The following AMZ1 variants were observed in gnomAD, a reference collection of about 807,000 sequenced individuals.
AMZ1 encodes archaemetzincin-1.
Under a neutral mutation model 29.9 loss-of-function variants are expected in AMZ1, and 39 were observed. That is an observed-to-expected ratio of 1.30 (90% CI 1.01 to 1.70). The LOEUF (loss-of-function observed/expected upper bound fraction) is 1.70. Ranked by LOEUF, AMZ1 falls within the 40% of genes most tolerant of loss-of-function variation. AMZ1 has a pLI of 0.00. For missense variants in AMZ1, 1,041 were observed against 680.6 expected (o/e 1.53, Z -5.89); for synonymous variants, 458 against 304.0 (o/e 1.51, Z -5.27).
At chr7:2,710,316 T>G (rs914554180) in intron 6 of AMZ1, among the ~76,000 whole-genome samples, 2 of 152,234 alleles carry the variant, frequency 1.3e-5, no homozygotes, top group Admixed American at 6.5e-5. Context: ...CTCGTCCGTA[T>G]TCATGGACAT....
rs760828167 is a variant in AMZ1, at chr7:2,731,723, G to A, written n.550+21907G>A. ...CCCTTGGTGGCTTTCCTAGCCAGCA[G>A]GATATCTTGCTTACTAGGAAAGTAA... is the stretch of plus-strand genomic sequence containing the variant. On this transcript the variant is annotated intron_variant and non_coding_transcript_variant, in intron 4 of 4. Coordinates refer to the AMZ1 transcript ENST00000489665. This position sits in a 1 kb window ranked among gnomAD's most constrained non-coding sequence, Gnocchi z 6.0. 12 of 1,555,620 alleles carry A rather than the reference G, an allele frequency of 7.7e-6. No individual in the cohort carries two copies. The highest frequency in any genetic ancestry group is 1.0e-5 in the Non-Finnish European group (12 of 1,145,532).
upstream of AMZ1, among the ~76,000 whole-genome samples, chr7:2,685,855 G>GAAAA (rs10710624): frequency 1.6e-4 from 14 of 86,732 alleles, no homozygotes; most frequent in Admixed American, 2.6e-4. Flanking sequence ...TCCGTCTCAA[G>GAAAA]AAAAAAAAAA....
intron 4 of AMZ1, among the ~76,000 whole-genome samples, chr7:2,740,134 C>T (rs1790424917): frequency 6.6e-6 from 1 of 152,126 alleles, no homozygotes; most frequent in African/African-American, 2.4e-5. Context: ...GGTGGCCATC[C>T]TACTAGCTGT....
rs898755831 is a variant in AMZ1 at position 2,713,010 on chromosome 7, C to T, written c.*132C>T. 5 of 1,041,270 alleles carry T rather than the reference C, an allele frequency of 4.8e-6. No homozygotes were observed. In the Admixed American group the frequency reaches 1.9e-4, roughly 39 times the overall value. 64.5% of individuals were successfully genotyped at this position (1,041,270 alleles called of 1,614,324 possible). On this transcript the variant is annotated 3_prime_UTR_variant, in exon 7 of 7. Coordinates refer to ENST00000683327, the MANE Select transcript of AMZ1 (RefSeq NM_001384743.1). ...TGGGTGGTGGCTCAGGCCTGTCATC[C>T]CATCACTTTGAGAGGCCAGGAGTTT...
At chr7:2,686,872 G>C (rs1249542929), upstream of AMZ1, among the ~76,000 whole-genome samples, 1 of 151,826 alleles carries the variant, frequency 6.6e-6, no homozygotes, top group Non-Finnish European at 1.5e-5. Flanking sequence ...CAGCCACCAC[G>C]CCCAGCTAAT....
At position 2,718,522 on chromosome 7, in the gene AMZ1, C is replaced by T. The variant is rs1052007206; in HGVS notation, c.*5644C>T. ...CCTGACTCTTGGACGCTGGTGGCAG[C>T]CGCGGGCGCCCACTCACCTGGCACG... On this transcript the variant is annotated 3_prime_UTR_variant, in exon 7 of 7. Coordinates refer to ENST00000683327, the MANE Select transcript of AMZ1 (RefSeq NM_001384743.1). Among the ~76,000 whole-genome samples the T allele has an allele frequency of 2.6e-5, 4 of 152,168 alleles. No individual in the cohort carries two copies. The highest frequency in any genetic ancestry group is 2.6e-4 in the Admixed American group (4 of 15,282).
intron 1 of AMZ1, among the ~76,000 whole-genome samples, chr7:2,691,131 C>CAAAAAAA (rs35603123): frequency 4.4e-5 from 3 of 68,738 alleles, no homozygotes; most frequent in Non-Finnish European, 7.5e-5. Flanking sequence ...GTGACAGAGG[C>CAAAAAAA]AAAAAAAAAA....
upstream of AMZ1, among the ~76,000 whole-genome samples, chr7:2,687,406 C>G (rs967745344): frequency 2.0e-5 from 3 of 151,696 alleles, no homozygotes; most frequent in Non-Finnish European, 4.4e-5. Context: ...CTGCTGAGGG[C>G]GTGGGGGGCA....
At chr7:2,760,913 G>T (rs1791523337), upstream of AMZ1, among the ~76,000 whole-genome samples, 1 of 152,154 alleles carries the variant, frequency 6.6e-6, no homozygotes, top group Admixed American at 6.5e-5. Context: ...GGGGAGTGGG[G>T]GGTTCTGGCT....
chr7:2,711,129 C>T (rs798567), intron 6 of AMZ1, among the ~76,000 whole-genome samples: 37,993 of 152,022 alleles, frequency 0.25, 4,875 homozygotes, highest in Admixed American at 0.29. Context: ...GAGCTCTCTC[C>T]GTTCCGTGAG....
intron 4 of AMZ1, among the ~76,000 whole-genome samples, chr7:2,750,854 T>C (rs1019055913): frequency 6.6e-6 from 1 of 152,260 alleles, no homozygotes; most frequent in Admixed American, 6.5e-5. Context: ...TTTAGAGTTA[T>C]CAGCTTGGGA....
chr7:2,710,115 G>A (rs1475057412), intron 6 of AMZ1, among the ~76,000 whole-genome samples: 1 of 152,234 alleles, frequency 6.6e-6, no homozygotes, highest in East Asian at 1.9e-4. Flanking sequence ...TTGGAGCCCA[G>A]CCGGCGGGTG....
chr7:2,760,929 C>A (rs956889007), upstream of AMZ1, among the ~76,000 whole-genome samples: 5 of 152,196 alleles, frequency 3.3e-5, no homozygotes, highest in Non-Finnish European at 5.9e-5. Context: ...TGGCTGGCAC[C>A]TTCCCCACTC....
chr7:2,712,073 C>G (rs931036663), intron 6 of AMZ1, among the ~76,000 whole-genome samples: 2 of 151,886 alleles, frequency 1.3e-5, no homozygotes, highest in Non-Finnish European at 2.9e-5. Context: ...GTTAAGTGTT[C>G]TAACTTTGGA....
chr7:2,755,870 A>G (rs1791269315), intron 4 of AMZ1, among the ~76,000 whole-genome samples: 1 of 152,244 alleles, frequency 6.6e-6, no homozygotes, highest in African/African-American at 2.4e-5. Context: ...GAAATGGAAG[A>G]TTCAACATTG....
chr7:2,691,357 A>G (rs1184979325), intron 1 of AMZ1, among the ~76,000 whole-genome samples: 1 of 147,978 alleles, frequency 6.8e-6, no homozygotes, highest in Non-Finnish European at 1.5e-5. Context: ...ACCCTGGGCA[A>G]GTGGCTTTCC....
At chr7:2,695,082 T>A (rs963186778) in intron 1 of AMZ1, among the ~76,000 whole-genome samples, 6 of 152,252 alleles carry the variant, frequency 3.9e-5, no homozygotes, top group Non-Finnish European at 5.9e-5. Flanking sequence ...TGCTTCTGGC[T>A]GACTTGGGTC....
At chr7:2,753,152 G>A (rs1465979219) in intron 4 of AMZ1, among the ~76,000 whole-genome samples, 5 of 147,544 alleles carry the variant, frequency 3.4e-5, no homozygotes, top group Admixed American at 6.9e-5. Flanking sequence ...TACAGCATGC[G>A]GCTTTTTTTT....
At chr7:2,736,993 T>A (rs798520) in intron 4 of AMZ1, among the ~76,000 whole-genome samples, 48 of 152,164 alleles carry the variant, frequency 3.2e-4, no homozygotes, top group African/African-American at 1.2e-3. Flanking sequence ...CTGCTCCTAA[T>A]TGGAGCCTTT....
Sources: gnomAD v4.1 joint callset for allele counts (sites outside exome capture counted in the v4.1 genomes callset) on GRCh38, gnomAD v4.1.1 for gene constraint, Gnocchi (gnomAD v3.1) non-coding constraint, MANE v1.5 for transcripts, NCBI Gene and HGNC (gene_info 2026-07-23, HGNC 2026-07-21) for gene names.